The following PTPRN2 variants were observed in gnomAD, a reference collection of about 807,000 sequenced individuals.
PTPRN2 encodes protein tyrosine phosphatase receptor type N2.
A neutral mutation model predicts 118.8 loss-of-function variants in PTPRN2; 74 were observed. The ratio of observed to expected loss-of-function variants is 0.62; its 90% CI spans 0.52 to 0.76. The LOEUF is 0.76. Among genes scored for constraint, PTPRN2 ranks in the 30% least tolerant of loss-of-function variants. PTPRN2 has a pLI of 0.00. For synonymous variants in PTPRN2, 641 were observed against 608.0 expected, an observed-to-expected ratio of 1.05 and a Z score of -0.80; for missense variants, 1,481 against 1,394.4, an observed-to-expected ratio of 1.06 and a Z score of -0.99.
intron 1 of PTPRN2, among the ~76,000 whole-genome samples, chr7:158,554,855 A>T (rs1489356746): frequency 1.3e-5 from 2 of 152,144 alleles, no homozygotes; most frequent in Non-Finnish European, 2.9e-5. Context: ...TGCCCCAAAC[A>T]GCAGCCCCCT....
intron 11 of PTPRN2, among the ~76,000 whole-genome samples, chr7:158,006,466 G>A (rs980041448): frequency 4.6e-5 from 7 of 152,174 alleles, no homozygotes; most frequent in African/African-American, 1.4e-4. Flanking sequence ...AGCCTCACAA[G>A]CTTGCTGGAC....
At chr7:157,857,464 G>C (rs545698087) in intron 12 of PTPRN2, 1 of 152,240 alleles carries the variant, frequency 6.6e-6, no homozygotes, top group Non-Finnish European at 1.5e-5. Flanking sequence ...TGGCAGGCTC[G>C]GCGCGTGATG....
intron 1 of PTPRN2, among the ~76,000 whole-genome samples, chr7:158,564,808 C>T (rs1827579007): frequency 6.6e-6 from 1 of 152,232 alleles, no homozygotes; most frequent in Admixed American, 6.5e-5. Context: ...CCCTTCTCAG[C>T]CCAGGAAATG....
intron 1 of PTPRN2, among the ~76,000 whole-genome samples, chr7:158,492,081 A>G (rs1264307499): frequency 6.6e-6 from 1 of 152,208 alleles, no homozygotes; most frequent in African/African-American, 2.4e-5. Flanking sequence ...ACTGCCTCCC[A>G]GAGGGAGAGC....
chr7:158,335,025 A>G (rs62480937), intron 2 of PTPRN2, among the ~76,000 whole-genome samples: 6 of 5,822 alleles, frequency 1.0e-3, no homozygotes, highest in Non-Finnish European at 1.6e-3. Flanking sequence ...AAGAGCTGAC[A>G]CCCGCAGACG....
intron 12 of PTPRN2, among the ~76,000 whole-genome samples, chr7:157,873,344 C>A (rs1489322277): frequency 6.6e-6 from 1 of 152,264 alleles, no homozygotes; most frequent in Non-Finnish European, 1.5e-5. Flanking sequence ...ATGGGATACG[C>A]TTCCCAGTTT....
At chr7:158,123,689 A>T (rs781023720) in intron 9 of PTPRN2, among the ~76,000 whole-genome samples, 1 of 152,242 alleles carries the variant, frequency 6.6e-6, no homozygotes, top group Admixed American at 6.5e-5. Context: ...ATTTTTTGGC[A>T]TAAGGATGAG....
intron 11 of PTPRN2, among the ~76,000 whole-genome samples, chr7:158,071,605 A>G (rs1436875061): frequency 1.0e-4 from 2 of 19,286 alleles, no homozygotes; most frequent in Non-Finnish European, 2.2e-4. Flanking sequence ...CTCCTGGTGG[A>G]GGTGCTCGTG....
chr7:157,651,901 C>G (rs1805688956), intron 14 of PTPRN2, among the ~76,000 whole-genome samples: 1 of 152,156 alleles, frequency 6.6e-6, no homozygotes, highest in African/African-American at 2.4e-5. Context: ...TCCTTCCTGC[C>G]TCTCCCTCCT....
rs541519189 is a variant in PTPRN2 at position 157,990,080 on chromosome 7, G to A, written c.1723+91218C>T. On this transcript the variant is annotated intron_variant, in intron 11 of 22. Transcript: ENST00000389418. The surrounding 1 kb of genome is among the most constrained non-coding windows in gnomAD (Gnocchi z 4.3). ...CAAAACCTGCCCTCCATCCCTCTAT[G>A]AAGAAAAATGCAAGTTGCTCTTCTG... is the stretch of plus-strand genomic sequence containing the variant. 1.4e-4 allele frequency among the ~76,000 whole-genome samples: 21 copies of A among 152,196 alleles called. No homozygotes were observed. Among genetic ancestry groups the A allele is most frequent in the African/African-American group, 4.8e-4 (20 of 41,520 alleles).
chr7:158,276,651 G>A (rs182393244), intron 3 of PTPRN2, among the ~76,000 whole-genome samples: 2 of 152,194 alleles, frequency 1.3e-5, no homozygotes, highest in Non-Finnish European at 2.9e-5. Flanking sequence ...CTTCCTGAGG[G>A]ATGAAACCAT....
At chr7:158,476,775 C>T (rs1273550432) in intron 2 of PTPRN2, among the ~76,000 whole-genome samples, 1 of 152,264 alleles carries the variant, frequency 6.6e-6, no homozygotes, top group South Asian at 2.1e-4. Context: ...GACGCGAGAA[C>T]GTCAATCTGG....
intron 4 of PTPRN2, among the ~76,000 whole-genome samples, chr7:158,197,275 A>C (rs914136442): frequency 6.6e-6 from 1 of 152,200 alleles, no homozygotes; most frequent in African/African-American, 2.4e-5. Flanking sequence ...AGTGTCTTCT[A>C]TCCAAACATG....
intron 11 of PTPRN2, among the ~76,000 whole-genome samples, chr7:157,983,271 G>A (rs571672067): frequency 9.1e-4 from 82 of 89,984 alleles, no homozygotes; most frequent in Non-Finnish European, 1.4e-3. Flanking sequence ...TCACAGAGAC[G>A]AGGAGGGGAA....
chr7:158,166,309 C>G lies in PTPRN2; in HGVS notation c.910+622G>C, dbSNP rs75624738. Among the ~76,000 whole-genome samples, 4 of 23,390 alleles carry G rather than the reference C, an allele frequency of 1.7e-4. 1 individual carries two copies. Among genetic ancestry groups the G allele is most frequent in the Non-Finnish European group, 4.0e-4 (4 of 9,894 alleles). 15.3% of individuals were successfully genotyped at this position (23,390 alleles called of 152,430 possible). ...CCCTCAGGATCATCTCCTCCTCCCC[C>G]CCGGCCGCCGCGTTCCCTGTCCTCA... On this transcript the variant is annotated intron_variant, in intron 6 of 22. Transcript: ENST00000389418.
intron 12 of PTPRN2, among the ~76,000 whole-genome samples, chr7:157,793,514 G>A (rs1321213887): frequency 6.6e-6 from 1 of 152,104 alleles, no homozygotes; most frequent in Non-Finnish European, 1.5e-5. Context: ...TCACCCTGGG[G>A]TGGGGGCAAG....
chr7:157,988,199 T>TC (rs1316770801), intron 11 of PTPRN2, among the ~76,000 whole-genome samples: 1 of 152,204 alleles, frequency 6.6e-6, no homozygotes, highest in African/African-American at 2.4e-5. Context: ...ATGCTGTCTC[T>TC]CCCCGGAGCC....
chr7:157,734,069 T>G (rs148054441), intron 12 of PTPRN2, among the ~76,000 whole-genome samples: 1 of 48,570 alleles, frequency 2.1e-5, no homozygotes, highest in African/African-American at 1.1e-4. Context: ...GTTACCCTTT[T>G]CCGTCCCATG....
chr7:157,828,213 C>T (rs530732667), intron 12 of PTPRN2, among the ~76,000 whole-genome samples: 32 of 152,330 alleles, frequency 2.1e-4, no homozygotes, highest in Non-Finnish European at 2.9e-4. Flanking sequence ...GCCCCTTCCA[C>T]GCGTGTGGTC....
Sources: gnomAD v4.1 joint callset for allele counts (sites outside exome capture counted in the v4.1 genomes callset) on GRCh38, gnomAD v4.1.1 for gene constraint, Gnocchi (gnomAD v3.1) non-coding constraint, MANE v1.5 for transcripts, NCBI Gene and HGNC (gene_info 2026-07-23, HGNC 2026-07-21) for gene names.